C11orf65: variants seen among roughly 807,000 people sequenced by gnomAD.
The protein encoded by C11orf65 is chromosome 11 open reading frame 65.
C11orf65 carries 38 observed loss-of-function variants against 35.3 expected under a neutral mutation model. That is an observed-to-expected ratio of 1.08 (90% CI 0.83 to 1.41). The LOEUF (loss-of-function observed/expected upper bound fraction) is 1.41. Among genes scored for constraint, C11orf65 ranks in the 40% most tolerant of loss-of-function variants. The probability of loss-of-function intolerance (pLI) is 0.00; values close to 1 mark genes in which losing one functional copy is unlikely to be tolerated. For synonymous variants in C11orf65, 105 were observed against 114.4 expected (o/e 0.92, Z 0.53); for missense variants, 370 against 367.1 (o/e 1.01, Z -0.06).
chr11:108,409,713 C>A (rs538430323), intron 3 of C11orf65, among the ~76,000 whole-genome samples: 2 of 152,026 alleles, frequency 1.3e-5, no homozygotes, highest in Non-Finnish European at 2.9e-5. Context: ...AGGAGGTGAG[C>A]GGCAGGAGCA....
At chr11:108,378,406 G>T (rs1413301976), downstream of C11orf65, among the ~76,000 whole-genome samples, 2 of 141,486 alleles carry the variant, frequency 1.4e-5, no homozygotes, top group African/African-American at 5.4e-5. Flanking sequence ...AATAAATGGT[G>T]CTGGGAAAAC....
At chr11:108,383,386 C>A (rs560779163) in intron 8 of C11orf65, among the ~76,000 whole-genome samples, 1 of 152,296 alleles carries the variant, frequency 6.6e-6, no homozygotes, top group Non-Finnish European at 1.5e-5. Context: ...CTCTGCAGGA[C>A]CTGGGTTTTA....
intron 2 of C11orf65, among the ~76,000 whole-genome samples, chr11:108,343,806 A>G (rs1247407002): frequency 6.6e-6 from 1 of 152,150 alleles, no homozygotes; most frequent in Non-Finnish European, 1.5e-5. Flanking sequence ...GTAAACAACA[A>G]CAACAACAAG....
At position 108,461,539 on chromosome 11, in the gene C11orf65, T is replaced by C; in HGVS notation, c.21A>G (p.Ser7=). The C allele has an allele frequency of 1.2e-6, 2 of 1,609,144 alleles. No homozygotes were observed. The highest frequency in any genetic ancestry group is 4.5e-5 in the East Asian group (2 of 44,590). The change falls in exon 2 of 9, where the codon TCA becomes TCG. Residue 7 remains serine, a synonymous_variant. Coordinates refer to ENST00000393084, the MANE Select transcript of C11orf65 (RefSeq NM_152587.5). Reference sequence around the variant, plus strand: ...CAGCCTTATCCTGCTTTGTAAATTCTGATTCCTCTTTCCAAGGCATTTGAA... The same window carrying C: ...CAGCCTTATCCTGCTTTGTAAATTCCGATTCCTCTTTCCAAGGCATTTGAA... MPWKEE[S]EFTKQDKAAR...
chr11:108,336,152 A>C (rs2086829184), intron 2 of C11orf65: 1 of 521,526 alleles, frequency 1.9e-6, no homozygotes. Flanking sequence ...AAAAAAAAAA[A>C]AAAAGCCAGA....
At chr11:108,333,584 C>G (rs958331880) in intron 3 of C11orf65, among the ~76,000 whole-genome samples, 10 of 152,184 alleles carry the variant, frequency 6.6e-5, no homozygotes, top group African/African-American at 9.7e-5. Context: ...AGTATGTTAT[C>G]TATGTACTAT....
chr11:108,402,164 A>G (rs61915107), intron 6 of C11orf65, among the ~76,000 whole-genome samples: 1,768 of 152,290 alleles, frequency 0.012, 12 homozygotes, highest in Middle Eastern at 0.041. Flanking sequence ...GTAGAGGGGG[A>G]ATCCTGAGGA....
chr11:108,372,779 CCAGA>C (rs2091607203), intron 2 of C11orf65, among the ~76,000 whole-genome samples: 1 of 152,124 alleles, frequency 6.6e-6, no homozygotes, highest in African/African-American at 2.4e-5. Context: ...ATACTCAAAA[CCAGA>C]CAGAGAATTA....
intron 2 of C11orf65, among the ~76,000 whole-genome samples, chr11:108,374,471 C>G (rs2091664227): frequency 1.3e-5 from 2 of 152,082 alleles, no homozygotes; most frequent in Admixed American, 1.3e-4. Context: ...GATATCCACA[C>G]CAAAAACCCA....
intron 2 of C11orf65, among the ~76,000 whole-genome samples, chr11:108,359,193 CAAA>C (rs2090407106): frequency 6.6e-6 from 1 of 151,362 alleles, no homozygotes; most frequent in Admixed American, 6.6e-5. Flanking sequence ...TCAAAAGAAA[CAAA>C]GAAGGCCATT....
At chr11:108,437,783 G>A (rs7129816) in intron 2 of C11orf65, among the ~76,000 whole-genome samples, 53,989 of 145,654 alleles carry the variant, frequency 0.37, 11,061 homozygotes, top group Middle Eastern at 0.64. Flanking sequence ...TCACAGATTG[G>A]AAGCCTTAGT....
At chr11:108,357,072 A>T (rs1458080142) in intron 2 of C11orf65, among the ~76,000 whole-genome samples, 1 of 152,246 alleles carries the variant, frequency 6.6e-6, no homozygotes, top group Non-Finnish European at 1.5e-5. Flanking sequence ...CAGTGGGCGC[A>T]GGTCAGTGGG....
At chr11:108,373,179 A>T (rs114701949) in intron 2 of C11orf65, among the ~76,000 whole-genome samples, 288 of 152,354 alleles carry the variant, frequency 1.9e-3, no homozygotes, top group African/African-American at 6.7e-3. Context: ...TTCTATCAAT[A>T]TAAGAAAGAG....
intron 6 of C11orf65, 94 bp downstream of exon 6, chr11:108,405,335 C>A: frequency 7.6e-7 from 1 of 1,310,662 alleles, no homozygotes; most frequent in Non-Finnish European, 1.0e-6. Flanking sequence ...CCCCCTGCAG[C>A]TAATGCCCTC....
rs2091259011 is a variant in C11orf65, at chr11:108,365,491, T to C, written c.226+27717A>G. The C allele has an allele frequency of 6.2e-7, 1 of 1,614,166 alleles. No individual in the cohort carries two copies. Among genetic ancestry groups the C allele is most frequent in the Non-Finnish European group, 8.5e-7 (1 of 1,180,010 alleles). ...AAATCTCAGCCGACTTTTCCCAGGA[T>C]GGAAAGCTTGGGTGTGATCTTCAGT... On this transcript the variant is annotated intron_variant, in intron 2 of 3. Coordinates refer to the C11orf65 transcript ENST00000524755.
chr11:108,317,516 C>T lies in C11orf65; in HGVS notation c.641-8445G>A, dbSNP rs754020535. ...ATATGCAGTGGGACCATTGCACTTC[C>T]GTCAGGTAAGAAATTTGACTTGATT... is the stretch of plus-strand genomic sequence containing the variant. On this transcript the variant is annotated intron_variant, in intron 6 of 6. Coordinates refer to the C11orf65 transcript ENST00000525729. 5.6e-6 allele frequency: 9 copies of T among 1,604,262 alleles called. No homozygotes were observed. Among genetic ancestry groups the T allele is most frequent in the East Asian group, 2.2e-5 (1 of 44,506 alleles).
chr11:108,414,109 AAAAT>A (rs1440871231), intron 3 of C11orf65, among the ~76,000 whole-genome samples: 2 of 152,168 alleles, frequency 1.3e-5, no homozygotes, highest in African/African-American at 4.8e-5. Flanking sequence ...ATCTATAAAG[AAAAT>A]AAAAGAAACA....
At chr11:108,406,304 CTT>C (rs749405698) in intron 5 of C11orf65, among the ~76,000 whole-genome samples, 1 of 152,042 alleles carries the variant, frequency 6.6e-6, no homozygotes, top group Non-Finnish European at 1.5e-5. Flanking sequence ...TTGGTATATT[CTT>C]TTGTGTTTGT....
At chr11:108,403,899 C>G (rs1591478229) in intron 6 of C11orf65, among the ~76,000 whole-genome samples, 1 of 152,160 alleles carries the variant, frequency 6.6e-6, no homozygotes, top group South Asian at 2.1e-4. Flanking sequence ...GGGGGAAAGG[C>G]TGACTGATTC....
Sources: allele counts gnomAD v4.1 joint callset (sites outside exome capture counted in the v4.1 genomes callset), GRCh38; gene constraint gnomAD v4.1.1; transcripts MANE v1.5; gene names NCBI Gene and HGNC (gene_info 2026-07-23, HGNC 2026-07-21).